Variants in DMXL1 observed in about 807,000 individuals in gnomAD.
DMXL1 encodes Dmx like 1, also known as dmX-like protein 1.
In DMXL1, 99 loss-of-function variants were observed where a neutral mutation model predicts 319.2. That is an observed-to-expected ratio of 0.31 (90% CI 0.26 to 0.37). DMXL1 has a LOEUF of 0.37. Among genes scored for constraint, DMXL1 ranks in the 10% least tolerant of loss-of-function variants. The pLI is 1.00. For synonymous variants in DMXL1, 1,385 were observed against 1,235.2 expected (o/e 1.12, Z -2.54); for missense variants, 3,745 against 3,595.6 (o/e 1.04, Z -1.06).
intron 43 of DMXL1, among the ~76,000 whole-genome samples, chr5:119,246,606 T>A (rs918525574): frequency 6.6e-6 from 1 of 150,614 alleles, no homozygotes; most frequent in African/African-American, 2.4e-5. Context: ...GGCCTAAAAT[T>A]TTTATTTGGT....
Position 119,224,730 on chromosome 5 carries a change from A to G in DMXL1, c.8299A>G (p.Asn2767Asp). The G allele has an allele frequency of 7.6e-7, 1 of 1,323,128 alleles. No individual in the cohort carries two copies. Among genetic ancestry groups the G allele is most frequent in the Non-Finnish European group, 1.0e-6 (1 of 990,826 alleles). The allele number at this position is 1,323,128 out of a possible 1,614,324, so 82.0% of individuals were successfully genotyped here. A position where few individuals can be genotyped will look rare whatever the true frequency, so the allele number is the denominator to read the frequency against. ...ASVMIKKAIN[N>D]VRRMTSHPTL... The stretch of plus-strand genomic sequence containing the variant: ...CCAGATGATTAAGAAAGCCATTAAT[A>G]ATGTTAGAAGAATGACTTCTCATCC... The change falls in exon 38 of 44, where the codon AAT becomes GAT. Residue 2767 changes from asparagine to aspartate, a missense_variant. Physicochemically the swap from Asn to Asp is conservative, Grantham distance 23. This residue lies in a region of DMXL1 where 1,382 missense variants were observed against 1,269.5 expected (regional missense o/e 1.09). Coordinates refer to ENST00000539542, the MANE Select transcript of DMXL1 (RefSeq NM_001290321.3).
chr5:119,120,490 C>G (rs1317324882), intron 8 of DMXL1, among the ~76,000 whole-genome samples: 1 of 152,170 alleles, frequency 6.6e-6, no homozygotes, highest in Non-Finnish European at 1.5e-5. Context: ...TTTGCACTGC[C>G]TGCCTCATGG....
intron 1 of DMXL1, among the ~76,000 whole-genome samples, chr5:119,073,479 G>T (rs1353533989): frequency 6.6e-6 from 1 of 152,128 alleles, no homozygotes; most frequent in African/African-American, 2.4e-5. Flanking sequence ...ATAAAACCTT[G>T]GTGAATGTCT....
At chr5:119,201,515 G>A (rs1267129747) in intron 32 of DMXL1, among the ~76,000 whole-genome samples, 6 of 151,988 alleles carry the variant, frequency 3.9e-5, no homozygotes, top group Admixed American at 3.9e-4. Flanking sequence ...CAAGGATATT[G>A]GCTTGAAGTT....
At chr5:119,221,990 A>C (rs1784725897) in intron 37 of DMXL1, among the ~76,000 whole-genome samples, 1 of 152,110 alleles carries the variant, frequency 6.6e-6, no homozygotes, top group African/African-American at 2.4e-5. Context: ...GAAGCAAAGA[A>C]AGGTGGTAGG....
Position 119,193,895 on chromosome 5 carries a change from A to G in DMXL1, c.7382A>G (p.Asp2461Gly), listed in dbSNP as rs2150392015. The stretch of plus-strand genomic sequence containing the variant: ...GAGGAGAGTCTGGGAAGTGATGATG[A>G]TGACAATGATGATGATGATGATGTT... ...DSEESLGSDD[D>G]DNDDDDDVLA... The change falls in exon 30 of 44, where the codon GAT becomes GGT. Residue 2461 changes from aspartate (D) to glycine (G), a missense_variant. Physicochemically the swap from Asp to Gly is moderately conservative, Grantham distance 94 (BLOSUM62 -1). Around this residue, in one of 4 missense-constraint regions of DMXL1, gnomAD observed 1,382 missense variants for 1,269.5 expected, o/e 1.09. Transcript: ENST00000539542. The G allele has an allele frequency of 1.9e-6, 3 of 1,612,722 alleles. No individual in the cohort carries two copies. The African/African-American group carries it at 4.0e-5, about 22-fold the overall frequency.
At chr5:119,155,340 G>A (rs1770774499) in intron 19 of DMXL1, among the ~76,000 whole-genome samples, 1 of 152,142 alleles carries the variant, frequency 6.6e-6, no homozygotes, top group Non-Finnish European at 1.5e-5. Context: ...AGATGCCATT[G>A]GGGACATGTG....
At chr5:119,199,777 T>G (rs1242570877) in intron 32 of DMXL1, among the ~76,000 whole-genome samples, 2 of 152,244 alleles carry the variant, frequency 1.3e-5, no homozygotes, top group Non-Finnish European at 2.9e-5. Context: ...CCATTCTGAC[T>G]GGTGTGAGAT....
chr5:119,119,535 T>G (rs1761567872), intron 8 of DMXL1, among the ~76,000 whole-genome samples: 1 of 128,896 alleles, frequency 7.8e-6, no homozygotes, highest in Non-Finnish European at 1.6e-5. Context: ...ATTCTTCCAA[T>G]TTTTTTTTTT....
At chr5:119,246,445 T>C (rs924471179) in intron 43 of DMXL1, among the ~76,000 whole-genome samples, 1 of 152,182 alleles carries the variant, frequency 6.6e-6, no homozygotes, top group Non-Finnish European at 1.5e-5. Context: ...TTGTTTCTCT[T>C]ACTCTCTTAC....
Position 119,220,486 on chromosome 5 carries a change from C to T in DMXL1, c.8028C>T (p.Cys2676=), listed in dbSNP as rs1784464886. The stretch of plus-strand genomic sequence containing the variant: ...TTATTTTTCAGGCAAATAGAAACTG[C>T]ATAGCAATCGCTTCCAGTCATGATG... ...AFAVNKANRN[C]IAIASSHDVQ... Residue 2676 remains cysteine (C), a synonymous_variant, in exon 36 of 44, where the codon TGC becomes TGT. Coordinates refer to ENST00000539542, the MANE Select transcript of DMXL1 (RefSeq NM_001290321.3). 1 of 1,613,702 alleles carries T rather than the reference C, an allele frequency of 6.2e-7. No homozygotes were observed. Among genetic ancestry groups the T allele is most frequent in the Non-Finnish European group, 8.5e-7 (1 of 1,179,840 alleles).
intron 1 of DMXL1, among the ~76,000 whole-genome samples, chr5:119,093,488 A>T (rs907359877): frequency 6.6e-6 from 1 of 152,126 alleles, no homozygotes; most frequent in African/African-American, 2.4e-5. Context: ...CTTTGTTACT[A>T]TTGTAATGGT....
intron 7 of DMXL1, among the ~76,000 whole-genome samples, chr5:119,117,922 T>G (rs74643083): frequency 6.6e-6 from 1 of 152,360 alleles, no homozygotes; most frequent in East Asian, 1.9e-4. Flanking sequence ...ACCTGCTGAT[T>G]GTTCCGTTTT....
At chr5:119,184,059 C>CTTTTTTTTTTTTTTTTT (rs1404022848) in intron 28 of DMXL1, among the ~76,000 whole-genome samples, 2 of 140,414 alleles carry the variant, frequency 1.4e-5, no homozygotes, top group African/African-American at 5.5e-5. Context: ...GTTTTCTTCT[C>CTTTTTTTTTTTTTTTTT]TTTTTTTTTT....
chr5:119,121,105 C>T lies in DMXL1; in HGVS notation c.1068C>T (p.His356=), dbSNP rs1274388019. Residue 356 remains histidine (H), a synonymous_variant, in exon 9 of 44, where the codon CAC becomes CAT. Coordinates refer to ENST00000539542, the MANE Select transcript of DMXL1 (RefSeq NM_001290321.3). ...NTPLHANALC[H]FHIAASINPA... ...CACTGCATGCCAATGCACTTTGCCA[C>T]TTTCATATTGCAGCCAGCATCAACC... The T allele has an allele frequency of 6.2e-7, 1 of 1,608,860 alleles. No individual in the cohort carries two copies. The highest frequency in any genetic ancestry group is 8.5e-7 in the Non-Finnish European group (1 of 1,178,612).
At chr5:119,135,148 T>C (rs938997867) in intron 13 of DMXL1, among the ~76,000 whole-genome samples, 3 of 152,200 alleles carry the variant, frequency 2.0e-5, no homozygotes, top group African/African-American at 7.2e-5. Context: ...AGCATGTATA[T>C]AGTATTACAG....
Position 119,076,980 on chromosome 5 carries a change from G to A in DMXL1, c.87+5324G>A, listed in dbSNP as rs188426981. ...AATTTAATTTTATTGGTTAGTAATAGATTATTCTGATTACAGATCTTTTAT... is the reference window on the plus strand; with the variant it reads ...AATTTAATTTTATTGGTTAGTAATAAATTATTCTGATTACAGATCTTTTAT... On this transcript the variant is annotated intron_variant, in intron 1 of 43. Coordinates refer to ENST00000539542, the MANE Select transcript of DMXL1 (RefSeq NM_001290321.3). Among the ~76,000 whole-genome samples the A allele has an allele frequency of 6.5e-3, 990 of 152,296 alleles. 14 individuals are homozygous for A. Among genetic ancestry groups the A allele is most frequent in the Non-Finnish European group, 0.01 (713 of 68,022 alleles).
At chr5:119,195,274 C>G (rs1779415798) in intron 30 of DMXL1, among the ~76,000 whole-genome samples, 1 of 152,116 alleles carries the variant, frequency 6.6e-6, no homozygotes, top group Admixed American at 6.6e-5. Context: ...AAAACAGGGA[C>G]TGAAACAGGT....
intron 38 of DMXL1, among the ~76,000 whole-genome samples, chr5:119,232,669 T>C (rs752062587): frequency 6.6e-6 from 1 of 152,116 alleles, no homozygotes; most frequent in Non-Finnish European, 1.5e-5. Context: ...TCATTTATCT[T>C]ATTCATATTT....
Sources: gnomAD v4.1 joint callset for allele counts (sites outside exome capture counted in the v4.1 genomes callset) on GRCh38, gnomAD v4.1.1 for gene constraint, gnomAD v4.1.1 regional missense constraint, MANE v1.5 for transcripts, NCBI Gene and HGNC (gene_info 2026-07-23, HGNC 2026-07-21) for gene names.